The following GALNT13 variants were observed in gnomAD, a reference collection of about 807,000 sequenced individuals.
The protein encoded by GALNT13 is UDP-GalNAc:polypeptide N-acetylgalactosaminyltransferase 13.
Under a neutral mutation model 64.2 loss-of-function variants are expected in GALNT13, and 28 were observed. That is an observed-to-expected ratio of 0.44 (90% CI 0.32 to 0.60). GALNT13 has a LOEUF of 0.60. GALNT13 is among the 20% of genes least tolerant of loss of function. The pLI, the probability that GALNT13 is intolerant of heterozygous loss-of-function variation, is 0.05. For missense variants in GALNT13, 577 were observed against 669.8 expected (o/e 0.86, Z 1.53); for synonymous variants, 214 against 224.6 (o/e 0.95, Z 0.42).
At chr2:153,884,276 G>GAA (rs61687129) in intron 1 of GALNT13, among the ~76,000 whole-genome samples, 2 of 147,098 alleles carry the variant, frequency 1.4e-5, no homozygotes, top group Non-Finnish European at 3.0e-5. Flanking sequence ...TAATTTTTTT[G>GAA]AAAAAAAAAA....
the GALNT13 span, among the ~76,000 whole-genome samples, chr2:153,097,896 T>A: frequency 2.0e-5 from 3 of 152,194 alleles, no homozygotes; most frequent in South Asian, 6.2e-4. Context: ...TGAAACCCCC[T>A]CTCTGCTAGA....
At chr2:154,137,190 T>C (rs1204315570) in intron 3 of GALNT13, among the ~76,000 whole-genome samples, 1 of 152,106 alleles carries the variant, frequency 6.6e-6, no homozygotes, top group Non-Finnish European at 1.5e-5. Flanking sequence ...GATGCCTTCC[T>C]CCAGGTAAAA....
At chr2:153,347,376 G>A in the GALNT13 span, among the ~76,000 whole-genome samples, 2 of 152,140 alleles carry the variant, frequency 1.3e-5, no homozygotes, top group African/African-American at 4.8e-5. Context: ...CCAAGTCTTT[G>A]GTGCACATGC....
chr2:153,087,163 C>G, the GALNT13 span, among the ~76,000 whole-genome samples: 1 of 152,044 alleles, frequency 6.6e-6, no homozygotes, highest in South Asian at 2.1e-4. Flanking sequence ...TTTTCTATGC[C>G]AATATTGCTG....
the GALNT13 span, among the ~76,000 whole-genome samples, chr2:153,646,443 CTT>C: frequency 7.0e-6 from 1 of 142,980 alleles, no homozygotes; most frequent in Non-Finnish European, 1.6e-5. Flanking sequence ...AATTATTTCT[CTT>C]TTTTTTCTTT....
the GALNT13 span, among the ~76,000 whole-genome samples, chr2:153,139,595 T>C: frequency 6.6e-6 from 1 of 151,716 alleles, no homozygotes; most frequent in Admixed American, 6.6e-5. Flanking sequence ...CAGATGGAGA[T>C]GGGTAAGAAG....
At chr2:154,367,410 C>A (rs546158712) in intron 9 of GALNT13, among the ~76,000 whole-genome samples, 2 of 152,182 alleles carry the variant, frequency 1.3e-5, no homozygotes, top group Admixed American at 6.5e-5. Flanking sequence ...CCATTAGTTA[C>A]ATAGAGCAGG....
At chr2:153,718,543 G>A in the GALNT13 span, among the ~76,000 whole-genome samples, 1 of 151,994 alleles carries the variant, frequency 6.6e-6, no homozygotes, top group Non-Finnish European at 1.5e-5. Flanking sequence ...GCTCATAAAA[G>A]TAATAGAGGT....
At chr2:153,756,947 A>T in the GALNT13 span, among the ~76,000 whole-genome samples, 4 of 152,138 alleles carry the variant, frequency 2.6e-5, no homozygotes, top group Admixed American at 2.0e-4. Flanking sequence ...TGTCACAAAT[A>T]TAGAATCTCT....
intron 3 of GALNT13, among the ~76,000 whole-genome samples, chr2:154,035,304 G>A (rs1399160405): frequency 2.6e-5 from 4 of 152,004 alleles, no homozygotes; most frequent in South Asian, 2.1e-4. Flanking sequence ...AAATGAATGC[G>A]AATAACCTGT....
intron 4 of GALNT13, among the ~76,000 whole-genome samples, chr2:154,140,793 C>G (rs549527726): frequency 6.6e-6 from 1 of 152,070 alleles, no homozygotes; most frequent in Non-Finnish European, 1.5e-5. Flanking sequence ...CTTTCTTTAT[C>G]GTACCAGATT....
At chr2:153,244,646 G>A in the GALNT13 span, among the ~76,000 whole-genome samples, 1 of 152,284 alleles carries the variant, frequency 6.6e-6, no homozygotes, top group African/African-American at 2.4e-5. Flanking sequence ...ATCAGGACTG[G>A]GGTTCCAGGT....
At chr2:153,560,002 A>G in the GALNT13 span, among the ~76,000 whole-genome samples, 1 of 152,064 alleles carries the variant, frequency 6.6e-6, no homozygotes, top group Non-Finnish European at 1.5e-5. Flanking sequence ...TGCAGTCTCT[A>G]TGCTCTTTGA....
intron 3 of GALNT13, among the ~76,000 whole-genome samples, chr2:154,114,321 A>G (rs997781350): frequency 3.9e-5 from 6 of 152,124 alleles, no homozygotes; most frequent in African/African-American, 1.2e-4. Context: ...CACTGGGGAA[A>G]TGACCACAGG....
chr2:154,359,089 A>G (rs761912253), intron 9 of GALNT13, among the ~76,000 whole-genome samples: 8 of 152,108 alleles, frequency 5.3e-5, no homozygotes, highest in Non-Finnish European at 1.2e-4. Context: ...CAGAACTACA[A>G]GGTATTTCAT....
At chr2:154,290,819 C>G (rs1918630) in intron 8 of GALNT13, among the ~76,000 whole-genome samples, 116,026 of 152,024 alleles carry the variant, frequency 0.76, 44,414 homozygotes, top group East Asian at 0.86. Flanking sequence ...CCTTCTGGTG[C>G]GTTCATGGTC....
At chr2:153,752,676 T>C in the GALNT13 span, among the ~76,000 whole-genome samples, 1 of 152,144 alleles carries the variant, frequency 6.6e-6, no homozygotes, top group Non-Finnish European at 1.5e-5. Context: ...GAATCTTCTC[T>C]TTATCCTTTA....
chr2:154,335,321 T>G (rs550269764), intron 9 of GALNT13, among the ~76,000 whole-genome samples: 1 of 152,160 alleles, frequency 6.6e-6, no homozygotes, highest in African/African-American at 2.4e-5. Context: ...TGAGCAGAAC[T>G]ATCTAATTTT....
chr2:153,862,270 A>G, the GALNT13 span, among the ~76,000 whole-genome samples: 2 of 152,182 alleles, frequency 1.3e-5, no homozygotes. Flanking sequence ...GGTGTCAGTC[A>G]AGTTGATATA....
Sources: gnomAD v4.1 joint callset for allele counts (sites outside exome capture counted in the v4.1 genomes callset) on GRCh38, gnomAD v4.1.1 for gene constraint, MANE v1.5 for transcripts, NCBI Gene and HGNC (gene_info 2026-07-23, HGNC 2026-07-21) for gene names.